The following MUSK variants were observed in gnomAD, a reference collection of about 807,000 sequenced individuals.
The protein encoded by MUSK is muscle associated receptor tyrosine kinase.
Under a neutral mutation model 88.7 loss-of-function variants are expected in MUSK, and 55 were observed. The observed-to-expected ratio is 0.62, with a 90% CI of 0.50 to 0.78. The LOEUF (loss-of-function observed/expected upper bound fraction) is 0.78, where lower values mean the gene tolerates loss of function less well. Among genes scored for constraint, MUSK ranks in the 30% least tolerant of loss-of-function variants. The probability of loss-of-function intolerance (pLI) is 0.00; values close to 1 mark genes in which losing one functional copy is unlikely to be tolerated. For synonymous variants in MUSK, 387 were observed against 391.9 expected (o/e 0.99, Z 0.15); for missense variants, 1,015 against 1,074.3 (o/e 0.94, Z 0.77).
In MUSK at chr9:110,734,338, C is replaced by A; in HGVS notation, c.716C>A (p.Pro239His). ...CTGCACTGTACAGCAACAGGCATTCCTGTCCCCACCATCACCTGGATTGAA... is the reference window on the plus strand; with the variant it reads ...CTGCACTGTACAGCAACAGGCATTCATGTCCCCACCATCACCTGGATTGAA... ...VTLHCTATGI[P>H]VPTITWIENG... The change falls in exon 6 of 15, where the codon CCT becomes CAT. Residue 239 changes from proline to histidine, a missense_variant. By Grantham distance (77) the Pro-to-His change is moderately conservative. Coordinates refer to ENST00000374448, the MANE Select transcript of MUSK (RefSeq NM_005592.4). 5 of 1,613,278 alleles carry A rather than the reference C, an allele frequency of 3.1e-6. No individual in the cohort carries two copies. The highest frequency in any genetic ancestry group is 3.4e-6 in the Non-Finnish European group (4 of 1,179,480).
rs965034969 is a variant in MUSK at position 110,745,463 on chromosome 9, T to C, written c.754-2178T>C. The stretch of plus-strand genomic sequence containing the variant: ...TGCTTATCTAAACTGGAAAGAGATA[T>C]ATAAACAAAATATAAAATACAAAAT... On this transcript the variant is annotated intron_variant, in intron 6 of 14. Transcript: ENST00000374448. Among the ~76,000 whole-genome samples the C allele has an allele frequency of 2.0e-5, 3 of 152,196 alleles. No individual in the cohort carries two copies. The South Asian group carries it at 6.2e-4, about 32-fold the overall frequency.
chr9:110,745,098 G>A (rs894276662), intron 6 of MUSK, among the ~76,000 whole-genome samples: 1 of 152,198 alleles, frequency 6.6e-6, no homozygotes, highest in African/African-American at 2.4e-5. Context: ...AAGGCCTCTG[G>A]AAGCAGGGGG....
At chr9:110,693,058 G>C (rs148943427) in intron 3 of MUSK, among the ~76,000 whole-genome samples, 2 of 152,110 alleles carry the variant, frequency 1.3e-5, no homozygotes, top group Admixed American at 1.3e-4. Flanking sequence ...CTATATGCAG[G>C]CTTCCCTTCA....
Position 110,787,781 on chromosome 9 carries a change from C to T in MUSK, c.1870C>T (p.Gln624Ter). The T allele has an allele frequency of 6.2e-7, 1 of 1,613,672 alleles. No individual in the cohort carries two copies. The highest frequency in any genetic ancestry group is 8.5e-7 in the Non-Finnish European group (1 of 1,179,740). Reference sequence around the variant, plus strand: ...CTCGGCAGATATGCAAGCGGACTTTCAGAGGGAGGCAGCCCTCATGGCAGA... The same window carrying T: ...CTCGGCAGATATGCAAGCGGACTTTTAGAGGGAGGCAGCCCTCATGGCAGA... ...EASADMQADF[Q>*]REAALMAEFD... Residue 624 changes from glutamine (Q) to a stop codon, truncating the protein, a stop_gained, in exon 14 of 15, where the codon CAG (glutamine) becomes TAG (stop). Coordinates refer to ENST00000374448, the MANE Select transcript of MUSK (RefSeq NM_005592.4). LOFTEE classifies it high-confidence loss of function.
At chr9:110,773,735 C>T (rs2077618560) in intron 9 of MUSK, among the ~76,000 whole-genome samples, 1 of 152,078 alleles carries the variant, frequency 6.6e-6, no homozygotes, top group Non-Finnish European at 1.5e-5. Flanking sequence ...CGTTAGTTCT[C>T]CTCACTTGTG....
chr9:110,711,958 T>C (rs2076677138), intron 5 of MUSK, among the ~76,000 whole-genome samples: 1 of 152,120 alleles, frequency 6.6e-6, no homozygotes, highest in Non-Finnish European at 1.5e-5. Context: ...GCTAAATCGT[T>C]CTCCTCCATA....
intron 5 of MUSK, among the ~76,000 whole-genome samples, chr9:110,731,530 G>A (rs1480894036): frequency 1.3e-5 from 2 of 152,030 alleles, no homozygotes; most frequent in African/African-American, 2.4e-5. Flanking sequence ...TAGAGAGCAT[G>A]TGAGAGTGCA....
chr9:110,799,431 C>T (rs148422193), intron 14 of MUSK, among the ~76,000 whole-genome samples: 153 of 152,240 alleles, frequency 1.0e-3, no homozygotes, highest in African/African-American at 3.7e-3. Flanking sequence ...GTAGCATGAA[C>T]ATTGTAAAAC....
At position 110,736,460 on chromosome 9, in the gene MUSK, G is replaced by A. The variant is rs1291242231; in HGVS notation, c.753+2085G>A. On this transcript the variant is annotated intron_variant, in intron 6 of 14. Transcript: ENST00000374448. ...GGGAACATAACTAGACAAAGTCTCTGAGATAATGGTATACATGGCATGTCA... is the reference window on the plus strand; with the variant it reads ...GGGAACATAACTAGACAAAGTCTCTAAGATAATGGTATACATGGCATGTCA... Among the ~76,000 whole-genome samples, 6 of 152,104 alleles carry A rather than the reference G, an allele frequency of 3.9e-5. No homozygotes were observed. The East Asian group carries it at 7.7e-4, about 20-fold the overall frequency.
intron 11 of MUSK, among the ~76,000 whole-genome samples, chr9:110,777,031 T>C (rs1371453909): frequency 6.6e-6 from 1 of 152,194 alleles, no homozygotes; most frequent in Non-Finnish European, 1.5e-5. Flanking sequence ...TATTTCTTCA[T>C]TGAGCCAATT....
In MUSK at chr9:110,800,762, T is replaced by A; in HGVS notation, c.2384T>A (p.Ile795Asn). The A allele has an allele frequency of 6.2e-7, 1 of 1,613,954 alleles. No individual in the cohort carries two copies. The part of the protein sequence containing the change: ...VWAYGVVLWE[I>N]FSYGLQPYYG... ...GCCTATGGCGTGGTCCTCTGGGAGATCTTCTCCTATGGCCTGCAGCCCTAC... is the reference window on the plus strand; with the variant it reads ...GCCTATGGCGTGGTCCTCTGGGAGAACTTCTCCTATGGCCTGCAGCCCTAC... The change falls in exon 15 of 15, where the codon ATC (isoleucine) becomes AAC (asparagine). Residue 795 changes from isoleucine (I) to asparagine (N), a missense_variant. Transcript: ENST00000374448.
intron 3 of MUSK, among the ~76,000 whole-genome samples, chr9:110,693,383 G>T (rs775104542): frequency 1.4e-4 from 21 of 152,056 alleles, no homozygotes; most frequent in Non-Finnish European, 2.9e-4. Context: ...TTCTTGGAAA[G>T]ATCCGTTTTA....
At chr9:110,706,928 T>C (rs549783192) in intron 5 of MUSK, among the ~76,000 whole-genome samples, 2 of 152,024 alleles carry the variant, frequency 1.3e-5, no homozygotes, top group African/African-American at 4.8e-5. Flanking sequence ...TGCTTGAGCC[T>C]GGGAGGTGGA....
At chr9:110,766,408 C>T (rs2077486338) in intron 8 of MUSK, among the ~76,000 whole-genome samples, 1 of 152,130 alleles carries the variant, frequency 6.6e-6, no homozygotes, top group Admixed American at 6.5e-5. Context: ...CTTTCTTATT[C>T]AAGGCCTTCA....
chr9:110,686,433 C>A (rs527773506), intron 2 of MUSK, among the ~76,000 whole-genome samples: 79 of 152,228 alleles, frequency 5.2e-4, no homozygotes, highest in African/African-American at 1.9e-3. Context: ...TTACCACACG[C>A]ATTTGGCATA....
At chr9:110,682,867 A>G (rs1467939946) in intron 2 of MUSK, 67 bp downstream of exon 2, 9 of 1,155,784 alleles carry the variant, frequency 7.8e-6, no homozygotes, top group Non-Finnish European at 1.1e-5. Context: ...ATATATGTAT[A>G]TATTTATGAA....
chr9:110,680,379 TTTTC>T (rs965236725), intron 1 of MUSK, among the ~76,000 whole-genome samples: 15 of 77,644 alleles, frequency 1.9e-4, no homozygotes, highest in African/African-American at 1.2e-3. Flanking sequence ...TTCTTTCTTT[TTTTC>T]TTTTTTTTTT....
In MUSK at chr9:110,682,810, C is replaced by T. The variant is rs371617202; in HGVS notation, c.206+10C>T. ...ATAAAATTCTCATTAAGTAAGTATT[C>T]CACATTTTAATTTTTTTAAATTTTT... is the stretch of plus-strand genomic sequence containing the variant. On this transcript the variant is annotated intron_variant, in intron 2 of 14. Coordinates refer to ENST00000374448, the MANE Select transcript of MUSK (RefSeq NM_005592.4). The T allele has an allele frequency of 2.6e-4, 414 of 1,606,280 alleles. No individual in the cohort carries two copies. The highest frequency in any genetic ancestry group is 3.3e-4 in the Non-Finnish European group (392 of 1,175,464).
chr9:110,697,361 T>C lies in MUSK; in HGVS notation c.523T>C (p.Leu175=). 2 of 1,612,826 alleles carry C rather than the reference T, an allele frequency of 1.2e-6. No homozygotes were observed. Among genetic ancestry groups the C allele is most frequent in the Non-Finnish European group, 1.7e-6 (2 of 1,179,220 alleles). ...AATTGCAGTTCTTGAATCTGGGAGC[T>C]TGAGGATTCATAACGTACAAAAGGA... is the stretch of plus-strand genomic sequence containing the variant. ...SRIAVLESGS[L]RIHNVQKEDA... is the part of the protein sequence containing the mutation. Residue 175 remains leucine (L), a synonymous_variant, in exon 5 of 15, where the codon TTG becomes CTG. Coordinates refer to ENST00000374448, the MANE Select transcript of MUSK (RefSeq NM_005592.4).
Sources: allele counts gnomAD v4.1 joint callset (sites outside exome capture counted in the v4.1 genomes callset), GRCh38; gene constraint gnomAD v4.1.1; transcripts MANE v1.5; gene names NCBI Gene and HGNC (gene_info 2026-07-23, HGNC 2026-07-21).